Variants in IQCM observed in about 807,000 individuals in gnomAD.
IQCM encodes the protein IQ domain-containing protein M.
Under a neutral mutation model 57.6 loss-of-function variants are expected in IQCM, and 45 were observed. The ratio of observed to expected loss-of-function variants is 0.78; its 90% CI spans 0.62 to 1.00. The LOEUF (loss-of-function observed/expected upper bound fraction) is 1.00, where lower values mean the gene tolerates loss of function less well. Among genes scored for constraint, IQCM ranks in the 50% least tolerant of loss-of-function variants. The pLI is 0.00. For missense variants in IQCM, 468 were observed against 511.6 expected (o/e 0.91, Z 0.82); for synonymous variants, 148 against 158.9 (o/e 0.93, Z 0.51).
intron 12 of IQCM, among the ~76,000 whole-genome samples, chr4:149,495,207 CT>C (rs1742530728): frequency 6.6e-6 from 1 of 152,214 alleles, no homozygotes. Context: ...TCCAGGGACT[CT>C]CTTATGGCAT....
chr4:149,400,436 G>A (rs749277938), intron 13 of IQCM, among the ~76,000 whole-genome samples: 6 of 151,966 alleles, frequency 3.9e-5, no homozygotes, highest in East Asian at 1.9e-4. Context: ...CAGACTTCAC[G>A]TGGCATGAGA....
At chr4:149,723,692 T>TAA (rs1765644152) in intron 5 of IQCM, among the ~76,000 whole-genome samples, 3 of 152,008 alleles carry the variant, frequency 2.0e-5, no homozygotes, top group African/African-American at 7.2e-5. Flanking sequence ...AGTTTGCTAG[T>TAA]GTTTTGTTGA....
intron 12 of IQCM, among the ~76,000 whole-genome samples, chr4:149,450,983 C>T (rs547822290): frequency 7.3e-5 from 11 of 151,440 alleles, no homozygotes; most frequent in African/African-American, 1.9e-4. Context: ...AGGAATAAGC[C>T]GAATGTGTTT....
At chr4:149,537,990 T>C (rs1026264327) in intron 12 of IQCM, among the ~76,000 whole-genome samples, 4 of 151,250 alleles carry the variant, frequency 2.6e-5, no homozygotes, top group African/African-American at 9.7e-5. Context: ...AGAGAAATAA[T>C]GAAGAGCAAA....
chr4:149,532,814 C>A (rs950371739), intron 12 of IQCM, among the ~76,000 whole-genome samples: 5 of 152,026 alleles, frequency 3.3e-5, no homozygotes, highest in African/African-American at 1.2e-4. Context: ...CACTGGAAAT[C>A]AACAGGCTAG....
intron 2 of IQCM, among the ~76,000 whole-genome samples, chr4:149,743,546 C>A (rs528432599): frequency 1.3e-5 from 2 of 152,280 alleles, no homozygotes; most frequent in South Asian, 2.1e-4. Flanking sequence ...ACCAGTAGTT[C>A]TCAATGCTGG....
At chr4:149,440,262 C>A (rs1294304064) in intron 12 of IQCM, among the ~76,000 whole-genome samples, 1 of 151,616 alleles carries the variant, frequency 6.6e-6, no homozygotes, top group Non-Finnish European at 1.5e-5. Flanking sequence ...CCACAGCGCC[C>A]AGCAAGTGTA....
chr4:149,612,056 G>T (rs1046838597), intron 8 of IQCM, among the ~76,000 whole-genome samples: 12 of 151,520 alleles, frequency 7.9e-5, no homozygotes, highest in Non-Finnish European at 1.3e-4. Flanking sequence ...GGTGGAAGGT[G>T]AAGGGAAGTA....
intron 12 of IQCM, among the ~76,000 whole-genome samples, chr4:149,543,789 T>C (rs1423386409): frequency 6.6e-6 from 1 of 152,212 alleles, no homozygotes; most frequent in African/African-American, 2.4e-5. Context: ...CAAAATTTTA[T>C]GTATTTCTAT....
At chr4:149,699,067 A>G (rs995018069) in intron 5 of IQCM, among the ~76,000 whole-genome samples, 7 of 152,138 alleles carry the variant, frequency 4.6e-5, no homozygotes, top group Admixed American at 3.3e-4. Flanking sequence ...TAAGGCAGAC[A>G]CATAACGTCA....
intron 7 of IQCM, among the ~76,000 whole-genome samples, chr4:149,650,947 A>G (rs1241111041): frequency 6.6e-6 from 1 of 152,152 alleles, no homozygotes; most frequent in East Asian, 1.9e-4. Flanking sequence ...ATTGCGGAGG[A>G]AAAATACAGT....
At chr4:149,423,778 A>T (rs1037648676) in intron 13 of IQCM, among the ~76,000 whole-genome samples, 2 of 152,006 alleles carry the variant, frequency 1.3e-5, no homozygotes, top group Non-Finnish European at 2.9e-5. Flanking sequence ...ATCATAGGGT[A>T]TTGAATACAG....
intron 12 of IQCM, among the ~76,000 whole-genome samples, chr4:149,524,770 A>G (rs1745993608): frequency 6.6e-6 from 1 of 151,884 alleles, no homozygotes; most frequent in Non-Finnish European, 1.5e-5. Context: ...TCAAAGGAAG[A>G]GTAGAGAAGA....
intron 12 of IQCM, among the ~76,000 whole-genome samples, chr4:149,467,825 T>C (rs922871787): frequency 6.6e-6 from 1 of 152,142 alleles, no homozygotes; most frequent in African/African-American, 2.4e-5. Flanking sequence ...ATTATTCTTC[T>C]GCCTTCAGAT....
intron 12 of IQCM, among the ~76,000 whole-genome samples, chr4:149,461,233 CAAAAAAAAA>C (rs61429806): frequency 1.4e-5 from 1 of 71,944 alleles, no homozygotes; most frequent in African/African-American, 6.1e-5. Flanking sequence ...AACTCCATCT[CAAAAAAAAA>C]AAAAAAAAAA....
intron 9 of IQCM, among the ~76,000 whole-genome samples, chr4:149,577,641 T>C (rs1179943263): frequency 1.4e-5 from 2 of 147,568 alleles, no homozygotes; most frequent in African/African-American, 5.0e-5. Context: ...AGCCTTATAG[T>C]ATAGTTTGAA....
intron 7 of IQCM, among the ~76,000 whole-genome samples, chr4:149,655,665 A>G (rs1759575385): frequency 6.6e-6 from 1 of 152,168 alleles, no homozygotes; most frequent in Non-Finnish European, 1.5e-5. Flanking sequence ...CAGTAACTAT[A>G]TTGATAAACT....
intron 12 of IQCM, among the ~76,000 whole-genome samples, chr4:149,464,554 A>G (rs1738642588): frequency 6.6e-6 from 1 of 152,180 alleles, no homozygotes; most frequent in Non-Finnish European, 1.5e-5. Flanking sequence ...ATCCTCAGGC[A>G]TCATGCCTTG....
intron 2 of IQCM, among the ~76,000 whole-genome samples, chr4:149,770,279 G>A (rs774657509): frequency 1.3e-5 from 2 of 152,032 alleles, no homozygotes; most frequent in African/African-American, 2.4e-5. Context: ...CAGATAACCT[G>A]CTTATTTTTA....
Sources: gnomAD v4.1 joint callset for allele counts (sites outside exome capture counted in the v4.1 genomes callset) on GRCh38, gnomAD v4.1.1 for gene constraint, MANE v1.5 for transcripts, NCBI Gene and HGNC (gene_info 2026-07-23, HGNC 2026-07-21) for gene names.